The following FOXP1 variants were observed in gnomAD, a reference collection of about 807,000 sequenced individuals.
FOXP1 encodes the protein forkhead box P1.
Under a neutral mutation model 98.2 loss-of-function variants are expected in FOXP1, and 15 were observed. That is an observed-to-expected ratio of 0.15 (90% confidence interval 0.10 to 0.24). The LOEUF (loss-of-function observed/expected upper bound fraction) is 0.24. FOXP1 is among the 10% of genes least tolerant of loss of function. The pLI is 1.00. For missense variants in FOXP1, 633 were observed against 848.5 expected, an observed-to-expected ratio of 0.75 and a Z score of 3.15; for synonymous variants, 371 against 314.5, an observed-to-expected ratio of 1.18 and a Z score of -1.90.
chr3:71,378,748 A>T (rs1373984304), intron 3 of FOXP1, among the ~76,000 whole-genome samples: 3 of 151,700 alleles, frequency 2.0e-5, no homozygotes, highest in Non-Finnish European at 4.4e-5. Context: ...TATATTGTTT[A>T]ATTTTATTAT....
intron 5 of FOXP1, among the ~76,000 whole-genome samples, chr3:71,235,557 T>C (rs1427043200): frequency 2.0e-5 from 3 of 152,136 alleles, no homozygotes; most frequent in Admixed American, 1.3e-4. Flanking sequence ...TGTACATTCA[T>C]AGAATGTTTC....
intron 4 of FOXP1, among the ~76,000 whole-genome samples, chr3:71,312,622 A>G (rs1007843121): frequency 2.6e-5 from 4 of 152,226 alleles, no homozygotes; most frequent in Admixed American, 1.3e-4. Context: ...CCAGGAATTC[A>G]AGGCTGCAGT....
At chr3:71,147,421 C>G (rs143219590) in intron 6 of FOXP1, among the ~76,000 whole-genome samples, 184 of 152,308 alleles carry the variant, frequency 1.2e-3, no homozygotes, top group Non-Finnish European at 2.0e-3. Context: ...ATCCCCTTCC[C>G]TCTCAGGGCT....
At position 71,008,612 on chromosome 3, in the gene FOXP1, T is replaced by C. The variant is rs574642721; in HGVS notation, c.974+6937A>G. On this transcript the variant is annotated intron_variant, in intron 12 of 20. Coordinates refer to ENST00000649528, the MANE Select transcript of FOXP1 (RefSeq NM_001349338.3). ...AAAAAATCAACACTAAAACTGCAAG[T>C]TGTTTTCAGAAGAAACAGGGAAATA... 2.0e-5 allele frequency among the ~76,000 whole-genome samples: 3 copies of C among 152,218 alleles called. 1 individual carries two copies. Among genetic ancestry groups the C allele is most frequent in the African/African-American group, 7.2e-5 (3 of 41,520 alleles).
intron 7 of FOXP1, among the ~76,000 whole-genome samples, chr3:71,109,179 T>G (rs2057703666): frequency 6.6e-6 from 1 of 152,230 alleles, no homozygotes; most frequent in Admixed American, 6.5e-5. Context: ...TTTGGTTCAG[T>G]ATGTGGATCT....
intron 13 of FOXP1, among the ~76,000 whole-genome samples, chr3:70,990,314 T>TC (rs1183390056): frequency 2.0e-5 from 3 of 152,234 alleles, no homozygotes. Context: ...ATTCAGTTTT[T>TC]CTTTTTTTTA....
chr3:70,982,365 A>T (rs1485006813), intron 14 of FOXP1, among the ~76,000 whole-genome samples: 1 of 152,176 alleles, frequency 6.6e-6, no homozygotes, highest in Non-Finnish European at 1.5e-5. Flanking sequence ...TTTCTGGGGC[A>T]TGGGGCAGGA....
At chr3:71,431,744 G>A (rs1206353420) in intron 3 of FOXP1, among the ~76,000 whole-genome samples, 1 of 152,186 alleles carries the variant, frequency 6.6e-6, no homozygotes, top group African/African-American at 2.4e-5. Context: ...AAAGACGAAT[G>A]GAGACTAACT....
chr3:71,298,747 T>C (rs2073583704), intron 5 of FOXP1, among the ~76,000 whole-genome samples: 1 of 151,864 alleles, frequency 6.6e-6, no homozygotes, highest in South Asian at 2.1e-4. Context: ...ATATCCTTTA[T>C]ATATATGCAT....
chr3:71,045,146 A>C (rs2048849892), intron 10 of FOXP1, among the ~76,000 whole-genome samples: 1 of 152,226 alleles, frequency 6.6e-6, no homozygotes, highest in Non-Finnish European at 1.5e-5. Flanking sequence ...GGGCACACAC[A>C]GAGGCACCCC....
At chr3:71,046,675 A>T (rs950193782) in intron 10 of FOXP1, among the ~76,000 whole-genome samples, 1 of 152,234 alleles carries the variant, frequency 6.6e-6, no homozygotes, top group East Asian at 1.9e-4. Context: ...AGTGAAAAGT[A>T]GCGCCTCATT....
At chr3:70,991,277 C>G (rs1482219784) in intron 13 of FOXP1, among the ~76,000 whole-genome samples, 1 of 152,078 alleles carries the variant, frequency 6.6e-6, no homozygotes, top group African/African-American at 2.4e-5. Context: ...ACTGTATCTT[C>G]CCCTCATCTT....
At chr3:71,332,261 C>A in intron 4 of FOXP1, 1 of 156,290 alleles carries the variant, frequency 6.4e-6, no homozygotes, top group Non-Finnish European at 1.4e-5. Flanking sequence ...TCCAGACGCG[C>A]CGCCTTAAGA....
chr3:71,520,804 A>C (rs2042925510), intron 2 of FOXP1, among the ~76,000 whole-genome samples: 8 of 152,226 alleles, frequency 5.3e-5, no homozygotes, highest in Admixed American at 5.2e-4. Flanking sequence ...TTTTTCTCCA[A>C]AGTAACTCAG....
intron 2 of FOXP1, among the ~76,000 whole-genome samples, chr3:71,534,230 G>C (rs908005530): frequency 1.3e-5 from 2 of 152,206 alleles, no homozygotes; most frequent in African/African-American, 4.8e-5. Flanking sequence ...AGGTGTGGTG[G>C]CGTACGCCTG....
At chr3:71,582,187 C>A (rs1415438450) in intron 1 of FOXP1, 10 of 982,398 alleles carry the variant, frequency 1.0e-5, no homozygotes, top group Non-Finnish European at 1.2e-6. Context: ...GCCAGTCTCC[C>A]GGGACCAAGG....
intron 2 of FOXP1, among the ~76,000 whole-genome samples, chr3:71,541,083 T>G (rs1337547599): frequency 6.6e-6 from 1 of 152,226 alleles, no homozygotes; most frequent in African/African-American, 2.4e-5. Context: ...TTTGGACAAG[T>G]CCCTTCTTTT....
chr3:71,324,273 C>A (rs1001471556), intron 4 of FOXP1, among the ~76,000 whole-genome samples: 24 of 152,122 alleles, frequency 1.6e-4, no homozygotes, highest in Middle Eastern at 3.4e-3. Context: ...TAAGGGGTTG[C>A]CCAAAGGATT....
In FOXP1 at chr3:71,361,115, G is replaced by A. The variant is rs545864099; in HGVS notation, c.-167-1871C>T. On this transcript the variant is annotated intron_variant, in intron 3 of 20. Coordinates refer to ENST00000649528, the MANE Select transcript of FOXP1 (RefSeq NM_001349338.3). ...CCCTCTTGAGCAAGGGAGCTTAAGA[G>A]TATGATAAGAATGCATCAAAAATGT... is the stretch of plus-strand genomic sequence containing the variant. Among the ~76,000 whole-genome samples the A allele has an allele frequency of 4.6e-5, 7 of 152,326 alleles. No individual in the cohort carries two copies. In the South Asian group the frequency reaches 1.5e-3, roughly 32 times the overall value.
Sources: allele counts gnomAD v4.1 joint callset (sites outside exome capture counted in the v4.1 genomes callset), GRCh38; gene constraint gnomAD v4.1.1; transcripts MANE v1.5; gene names NCBI Gene and HGNC (gene_info 2026-07-23, HGNC 2026-07-21).